Variants in SLC2A13 observed in about 807,000 individuals in gnomAD.
The protein encoded by SLC2A13 is proton myo-inositol cotransporter.
Under a neutral mutation model 64.4 loss-of-function variants are expected in SLC2A13, and 32 were observed. The ratio of observed to expected loss-of-function variants is 0.50; its 90% CI spans 0.37 to 0.67. The LOEUF (loss-of-function observed/expected upper bound fraction) is 0.67, where lower values mean the gene tolerates loss of function less well. SLC2A13 is among the 30% of genes least tolerant of loss of function. The probability of loss-of-function intolerance (pLI) is 0.00; values close to 1 mark genes in which losing one functional copy is unlikely to be tolerated. For synonymous variants in SLC2A13, 338 were observed against 327.1 expected (o/e 1.03, Z -0.36); for missense variants, 743 against 829.2 (o/e 0.90, Z 1.28).
intron 3 of SLC2A13, among the ~76,000 whole-genome samples, chr12:39,996,937 T>A (rs1435633589): frequency 2.0e-5 from 3 of 152,132 alleles, no homozygotes; most frequent in African/African-American, 7.2e-5. Flanking sequence ...GTAGAATCAA[T>A]ATTGTGATAA....
chr12:40,012,318 A>G (rs1359885058), intron 3 of SLC2A13, among the ~76,000 whole-genome samples: 1 of 152,208 alleles, frequency 6.6e-6, no homozygotes, highest in African/African-American at 2.4e-5. Context: ...CTGTCTTTGA[A>G]TGCTAGAGAA....
intron 1 of SLC2A13, among the ~76,000 whole-genome samples, chr12:40,092,947 G>C (rs181416829): frequency 6.6e-6 from 1 of 152,228 alleles, no homozygotes; most frequent in Non-Finnish European, 1.5e-5. Context: ...CCAGGAAAGA[G>C]AGGAGACATT....
At position 39,847,195 on chromosome 12, in the gene SLC2A13, T is replaced by C. The variant is rs544152575; in HGVS notation, c.1320-16967A>G. On this transcript the variant is annotated intron_variant, in intron 6 of 9. Coordinates refer to ENST00000280871, the MANE Select transcript of SLC2A13 (RefSeq NM_052885.4). ...TGGTCCATTGATTTGTACTTCCTGCTGTCAAGCAGAACCACTCATAAATGT... is the reference window on the plus strand; with the variant it reads ...TGGTCCATTGATTTGTACTTCCTGCCGTCAAGCAGAACCACTCATAAATGT... Among the ~76,000 whole-genome samples the C allele has an allele frequency of 1.1e-3, 167 of 152,284 alleles. 2 individuals carry two copies. Among genetic ancestry groups the C allele is most frequent in the African/African-American group, 3.7e-3 (154 of 41,572 alleles).
At chr12:40,037,261 C>T (rs1948004253) in intron 2 of SLC2A13, among the ~76,000 whole-genome samples, 1 of 152,192 alleles carries the variant, frequency 6.6e-6, no homozygotes, top group East Asian at 1.9e-4. Flanking sequence ...AGTGTTTATT[C>T]TACCTTTATT....
At chr12:39,769,246 T>A (rs929156991) in intron 7 of SLC2A13, among the ~76,000 whole-genome samples, 3 of 152,152 alleles carry the variant, frequency 2.0e-5, no homozygotes, top group African/African-American at 7.2e-5. Flanking sequence ...ATTAAAATAT[T>A]TCTTACTATC....
chr12:39,847,614 T>C (rs73103008), intron 6 of SLC2A13, among the ~76,000 whole-genome samples: 7,192 of 151,962 alleles, frequency 0.047, 280 homozygotes, highest in African/African-American at 0.11. Flanking sequence ...ATGGGTACAG[T>C]AAAAGGATAG....
chr12:40,052,011 C>T (rs921607203), intron 1 of SLC2A13, among the ~76,000 whole-genome samples: 2 of 151,820 alleles, frequency 1.3e-5, no homozygotes, highest in Non-Finnish European at 2.9e-5. Context: ...TCTTTGGTAT[C>T]TAGGTTAAAG....
At chr12:40,037,461 A>G (rs529749672) in intron 2 of SLC2A13, among the ~76,000 whole-genome samples, 1 of 152,012 alleles carries the variant, frequency 6.6e-6, no homozygotes, top group South Asian at 2.1e-4. Context: ...TCTACAAAAA[A>G]TACAAAAATT....
chr12:39,972,740 C>T (rs1946687741), intron 3 of SLC2A13, among the ~76,000 whole-genome samples: 1 of 152,122 alleles, frequency 6.6e-6, no homozygotes, highest in African/African-American at 2.4e-5. Flanking sequence ...ATATCTTATT[C>T]TCCTGCCCTG....
chr12:39,829,424 T>TTTTTTTTTTTTTA (rs1942793404), intron 7 of SLC2A13: 1 of 127,956 alleles, frequency 7.8e-6, no homozygotes, highest in African/African-American at 3.0e-5. Flanking sequence ...TTCTTTTTTT[T>TTTTTTTTTTTTTA]GAGGCAGAGT....
intron 1 of SLC2A13, among the ~76,000 whole-genome samples, chr12:40,090,476 C>G (rs1380727188): frequency 1.3e-5 from 2 of 152,078 alleles, no homozygotes; most frequent in Non-Finnish European, 2.9e-5. Context: ...GATTAAGTAG[C>G]CAGATGTTCA....
chr12:39,920,157 G>A (rs958134814), intron 4 of SLC2A13, among the ~76,000 whole-genome samples: 1 of 151,924 alleles, frequency 6.6e-6, no homozygotes, highest in African/African-American at 2.4e-5. Context: ...TTAAAATTAA[G>A]CTTTTCCAAT....
At chr12:39,806,003 A>G (rs1208178718) in intron 7 of SLC2A13, among the ~76,000 whole-genome samples, 1 of 152,242 alleles carries the variant, frequency 6.6e-6, no homozygotes, top group Non-Finnish European at 1.5e-5. Flanking sequence ...CCTGCAATTT[A>G]GCAAACTTCT....
chr12:39,979,720 G>C (rs1172424230), intron 3 of SLC2A13, among the ~76,000 whole-genome samples: 2 of 98,654 alleles, frequency 2.0e-5, no homozygotes, highest in African/African-American at 4.1e-5. Flanking sequence ...AAGTGATGCG[G>C]AGAATGGAAC....
At chr12:39,832,223 A>G (rs1169073897) in intron 6 of SLC2A13, among the ~76,000 whole-genome samples, 1 of 152,160 alleles carries the variant, frequency 6.6e-6, no homozygotes, top group African/African-American at 2.4e-5. Context: ...GGCTTTGAGA[A>G]CCAGACTAGG....
intron 1 of SLC2A13, among the ~76,000 whole-genome samples, chr12:40,094,513 T>C (rs1018718369): frequency 1.1e-4 from 16 of 152,160 alleles, no homozygotes; most frequent in Non-Finnish European, 2.2e-4. Context: ...AAAGACATGA[T>C]TTACTTGTGT....
intron 2 of SLC2A13, among the ~76,000 whole-genome samples, chr12:40,046,394 T>C (rs892360804): frequency 6.6e-6 from 1 of 152,236 alleles, no homozygotes; most frequent in Non-Finnish European, 1.5e-5. Flanking sequence ...AAAAGATTTC[T>C]TAATTGTTAT....
chr12:39,760,976 A>ACACACACACACACACAC (rs1236073642), intron 9 of SLC2A13, among the ~76,000 whole-genome samples: 19 of 150,250 alleles, frequency 1.3e-4, no homozygotes, highest in Non-Finnish European at 2.4e-4. Context: ...ACACACACAT[A>ACACACACACACACACAC]ATTGAATTGC....
intron 3 of SLC2A13, among the ~76,000 whole-genome samples, chr12:39,994,314 C>T (rs1053178940): frequency 2.0e-5 from 3 of 149,256 alleles, no homozygotes; most frequent in South Asian, 2.1e-4. Context: ...ACCCGGGAGG[C>T]GGAGCTTGCA....
Sources: allele counts gnomAD v4.1 joint callset (sites outside exome capture counted in the v4.1 genomes callset), GRCh38; gene constraint gnomAD v4.1.1; transcripts MANE v1.5; gene names NCBI Gene and HGNC (gene_info 2026-07-23, HGNC 2026-07-21).